Variants in ATP8B3 observed in about 807,000 individuals in gnomAD.
The protein encoded by ATP8B3 is ATPase phospholipid transporting 8B3.
A neutral mutation model predicts 140.9 loss-of-function variants in ATP8B3; 141 were observed. The ratio of observed to expected loss-of-function variants is 1.00; its 90% CI spans 0.87 to 1.15. The LOEUF is 1.15. Among genes scored for constraint, ATP8B3 ranks in the 50% most tolerant of loss-of-function variants. ATP8B3 has a pLI of 0.00. For missense variants in ATP8B3, 1,874 were observed against 1,740.6 expected, an observed-to-expected ratio of 1.08 and a Z score of -1.36; for synonymous variants, 765 against 714.6, an observed-to-expected ratio of 1.07 and a Z score of -1.13.
chr19:1,809,497 GAAAGAA>G (rs1322443454), intron 4 of ATP8B3, 140 bp downstream of exon 4: 3 of 710,276 alleles, frequency 4.2e-6, no homozygotes, highest in Non-Finnish European at 6.9e-6. Flanking sequence ...AAAAAAGAAA[GAAAGAA>G]AAAGAAAACG....
chr19:1,796,225 C>A lies in ATP8B3; in HGVS notation c.1794G>T (p.Ala598=). Residue 598 remains alanine, a synonymous_variant, in exon 17 of 29, where the codon GCG becomes GCT. Transcript: ENST00000310127. ...CGAAGTTCCGGGCTGCGGTGACCAGCGCCCCCTCGTCGGGGGAGGCCGCCT... is the reference window on the plus strand; with the variant it reads ...CGAAGTTCCGGGCTGCGGTGACCAGAGCCCCCTCGTCGGGGGAGGCCGCCT... ...LYQAASPDEG[A]LVTAARNFGY... is the part of the protein sequence containing the mutation. 1 of 1,612,516 alleles carries A rather than the reference C, an allele frequency of 6.2e-7. No homozygotes were observed. The highest frequency in any genetic ancestry group is 1.1e-5 in the South Asian group (1 of 91,056).
In ATP8B3 at chr19:1,791,871, G is replaced by T; in HGVS notation, c.2191-10C>A. On this transcript the variant is annotated splice_polypyrimidine_tract_variant and intron_variant, in intron 19 of 28. Transcript: ENST00000310127. ...CTGTGGCTCCCAGCAGCTGGTGGGGGAGGAGGGCAGGGCGGGGAAGATGCT... is the reference window on the plus strand; with the variant it reads ...CTGTGGCTCCCAGCAGCTGGTGGGGTAGGAGGGCAGGGCGGGGAAGATGCT... 1 of 1,609,828 alleles carries T rather than the reference G, an allele frequency of 6.2e-7. No individual in the cohort carries two copies. The highest frequency in any genetic ancestry group is 2.2e-5 in the East Asian group (1 of 44,866).
In ATP8B3 at chr19:1,782,983, T is replaced by C. The variant is rs1290625821; in HGVS notation, c.*45A>G. 14 of 1,563,550 alleles carry C rather than the reference T, an allele frequency of 9.0e-6. No individual in the cohort carries two copies. In the East Asian group the frequency reaches 3.3e-4, roughly 37 times the overall value. Reference sequence around the variant, plus strand: ...CTTCCTGGGAGGACACCTGCCCCTGTGGCTGGTGCTTCTTCTTCCCCAGGA... The same window carrying C: ...CTTCCTGGGAGGACACCTGCCCCTGCGGCTGGTGCTTCTTCTTCCCCAGGA... On this transcript the variant is annotated 3_prime_UTR_variant, in exon 29 of 29. Transcript: ENST00000310127.
chr19:1,797,677 T>C (rs925496265), intron 14 of ATP8B3, among the ~76,000 whole-genome samples: 1 of 151,592 alleles, frequency 6.6e-6, no homozygotes, highest in Non-Finnish European at 1.5e-5. Context: ...TTTTTGTATT[T>C]TTAGTAGAGA....
chr19:1,782,946 G>C lies in ATP8B3; in HGVS notation c.*82C>G, dbSNP rs182208781. On this transcript the variant is annotated 3_prime_UTR_variant, in exon 29 of 29. Transcript: ENST00000310127. ...ATAGAAAATGATGAGCTAGGTGTAG[G>C]GGGGAGCTGTACTTCCTGGGAGGAC... 1.0e-5 allele frequency: 15 copies of C among 1,502,406 alleles called. No individual in the cohort carries two copies. The highest frequency in any genetic ancestry group is 4.2e-5 in the African/African-American group (3 of 71,926). The allele number at this position is 1,502,406 out of a possible 1,614,324, so 93.1% of individuals were successfully genotyped here. A position where few individuals can be genotyped will look rare whatever the true frequency, so the allele number is the denominator to read the frequency against.
chr19:1,794,411 C>G lies in ATP8B3; in HGVS notation c.2055+1464G>C, dbSNP rs1007413522. ...TTCCAGTTCAGAGTGCCCCCACATC[C>G]TGGCAGAGCAGGGGACACAGGACAT... On this transcript the variant is annotated intron_variant, in intron 18 of 28. Coordinates refer to ENST00000310127, the MANE Select transcript of ATP8B3 (RefSeq NM_138813.4). This position sits in a 1 kb window ranked among gnomAD's most constrained non-coding sequence, Gnocchi z 4.8. Among the ~76,000 whole-genome samples the G allele has an allele frequency of 6.6e-6, 1 of 152,108 alleles. No individual in the cohort carries two copies. The highest frequency in any genetic ancestry group is 2.4e-5 in the African/African-American group (1 of 41,422).
rs373656416 is a variant in ATP8B3, at chr19:1,796,847, G to A, written c.1617C>T (p.Asp539=). 2.0e-5 allele frequency: 32 copies of A among 1,612,330 alleles called. No homozygotes were observed. The highest frequency in any genetic ancestry group is 6.7e-5 in the East Asian group (3 of 44,872). ...ENPYLWNKFA[D]GKLLFHNAAL... The stretch of plus-strand genomic sequence containing the variant: ...CCGCATTGTGGAAGAGCAGCTTCCC[G>A]TCGGCGAACTTGTTCCAGAGGTAGG... Residue 539 remains aspartate (D), a synonymous_variant, in exon 16 of 29, where the codon GAC becomes GAT. Transcript: ENST00000310127.
At chr19:1,809,805 G>A in intron 3 of ATP8B3, 71 bp from the exon 4 acceptor site, 1 of 1,414,084 alleles carries the variant, frequency 7.1e-7, no homozygotes, top group Non-Finnish European at 9.7e-7. Flanking sequence ...CCGCCCGGAG[G>A]AGGGCTCATG....
Position 1,789,616 on chromosome 19 carries a change from TG to T in ATP8B3, c.2589del (p.Arg864GlyfsTer51). ...CTCCGGCACAGCAGGGACAGGCGCC[TG>T]GCGTAGAGGAAATCCCTCCTGGACT... ...LGQSRRDFLY[A>X]RRLSLLCRRF... On this transcript the variant is annotated frameshift_variant, in exon 23 of 29. Transcript: ENST00000310127. LOFTEE classifies it high-confidence loss of function. 6.3e-7 allele frequency: 1 copy of T among 1,592,722 alleles called. No individual in the cohort carries two copies. The highest frequency in any genetic ancestry group is 8.5e-7 in the Non-Finnish European group (1 of 1,173,660).
chr19:1,807,350 C>A lies in ATP8B3; in HGVS notation c.517-84G>T. ...TCCACCAAGCCGACCTAGCCCCGCA[C>A]TCGACACCACGTGACACATCTGCTG... On this transcript the variant is annotated intron_variant, in intron 5 of 28. Coordinates refer to ENST00000310127, the MANE Select transcript of ATP8B3 (RefSeq NM_138813.4). The surrounding 1 kb of genome is among the most constrained non-coding windows in gnomAD (Gnocchi z 5.9). 1 of 1,099,924 alleles carries A rather than the reference C, an allele frequency of 9.1e-7. No homozygotes were observed. Among genetic ancestry groups the A allele is most frequent in the Non-Finnish European group, 1.4e-6 (1 of 735,394 alleles). 68.1% of individuals were successfully genotyped at this position (1,099,924 alleles called of 1,614,324 possible).
chr19:1,796,899 G>A lies in ATP8B3; in HGVS notation c.1585-20C>T, dbSNP rs757550670. 63 of 1,610,398 alleles carry A rather than the reference G, an allele frequency of 3.9e-5. No homozygotes were observed. The Admixed American group carries it at 4.2e-4, about 11-fold the overall frequency. On this transcript the variant is annotated intron_variant, in intron 15 of 28. Transcript: ENST00000310127. ...GTTCTCCTGGGGGTGGCGGGGGCAC[G>A]GGCCGGCTGTGGGTGGGCCGCTCCC...
intron 10 of ATP8B3, among the ~76,000 whole-genome samples, chr19:1,803,896 C>CAAAA (rs56937286): frequency 4.1e-5 from 3 of 72,394 alleles, no homozygotes; most frequent in Non-Finnish European, 5.6e-5. Context: ...GACTCTGTCT[C>CAAAA]AAAAAAAAAA....
At position 1,796,137 on chromosome 19, in the gene ATP8B3, C is replaced by T. The variant is rs2068665294; in HGVS notation, c.1882G>A (p.Val628Ile). The change falls in exon 17 of 29, where the codon GTC (valine) becomes ATC (isoleucine). Residue 628 changes from valine to isoleucine, a missense_variant. This residue lies in a region of ATP8B3 where 1,032 missense variants were observed against 963.6 expected (regional missense o/e 1.07). Transcript: ENST00000310127. ...VTIMELGEERVYQVLAIMDFN... is the reference protein window; with the variant it reads ...VTIMELGEERIYQVLAIMDFN... ...TCCATTATGGCCAGGACCTGGTAGA[C>T]CCGTTCCTCCCCCAGCTCCATGATC... 3 of 1,612,924 alleles carry T rather than the reference C, an allele frequency of 1.9e-6. No homozygotes were observed. The highest frequency in any genetic ancestry group is 4.5e-5 in the East Asian group (2 of 44,896).
At chr19:1,797,468 T>TTTTATTTATTTATTTA (rs5826746) in intron 14 of ATP8B3, among the ~76,000 whole-genome samples, 1 of 142,462 alleles carries the variant, frequency 7.0e-6, no homozygotes, top group Admixed American at 7.0e-5. Context: ...TCTTTTTTAT[T>TTTTATTTATTTATTTA]TTTATTTATT....
intron 10 of ATP8B3, among the ~76,000 whole-genome samples, chr19:1,804,844 A>T (rs991796341): frequency 2.0e-5 from 3 of 152,240 alleles, no homozygotes; most frequent in African/African-American, 7.2e-5. Context: ...CAAGCATTGG[A>T]GGTGTCAGCA....
intron 4 of ATP8B3, among the ~76,000 whole-genome samples, chr19:1,809,202 G>C (rs952334811): frequency 2.0e-5 from 3 of 149,088 alleles, no homozygotes; most frequent in Admixed American, 6.8e-5. Context: ...GAAAAAAGAG[G>C]CTGGGCGCAG....
rs753087174 is a variant in ATP8B3 at position 1,796,113 on chromosome 19, C to A, written c.1906G>T (p.Asp636Tyr). The A allele has an allele frequency of 6.8e-6, 11 of 1,612,886 alleles. No homozygotes were observed. Residue 636 changes from aspartate (D) to tyrosine (Y), a missense_variant, in exon 17 of 29, where the codon GAC becomes TAC. Around this residue, in one of 3 missense-constraint regions of ATP8B3, gnomAD observed 1,032 missense variants for 963.6 expected, o/e 1.07. Transcript: ENST00000310127. The stretch of plus-strand genomic sequence containing the variant: ...ATCCGTTTGCGCGTGCTGTTGAAGT[C>A]CATTATGGCCAGGACCTGGTAGACC... ...ERVYQVLAIMDFNSTRKRMSV... is the reference protein window; with the variant it reads ...ERVYQVLAIMYFNSTRKRMSV...
intron 25 of ATP8B3, among the ~76,000 whole-genome samples, chr19:1,786,072 C>CA (rs1365366636): frequency 6.6e-6 from 1 of 151,984 alleles, no homozygotes; most frequent in Non-Finnish European, 1.5e-5. Context: ...GTGGAGGCTG[C>CA]AGTGAGCTGT....
In ATP8B3 at chr19:1,811,619, G is replaced by T. The variant is rs765372476; in HGVS notation, c.118C>A (p.Pro40Thr). 9 of 1,611,980 alleles carry T rather than the reference G, an allele frequency of 5.6e-6. No individual in the cohort carries two copies. Among genetic ancestry groups the T allele is most frequent in the Non-Finnish European group, 7.6e-6 (9 of 1,179,800 alleles). The change falls in exon 2 of 29, where the codon CCT becomes ACT. Residue 40 changes from proline to threonine, a missense_variant. By Grantham distance (38) the Pro-to-Thr change is conservative (BLOSUM62 -1). Transcript: ENST00000310127. ...GTCTCACCTCCGCGGATGCCAGCAG[G>T]ACCTGAGCCTTCCTGAGTCACGTCT... ...DSDVTQEGSGPAGIRGGETVI... is the reference protein window; with the variant it reads ...DSDVTQEGSGTAGIRGGETVI...
Sources: gnomAD v4.1 joint callset for allele counts (sites outside exome capture counted in the v4.1 genomes callset) on GRCh38, gnomAD v4.1.1 for gene constraint, gnomAD v4.1.1 regional missense constraint, Gnocchi (gnomAD v3.1) non-coding constraint, MANE v1.5 for transcripts, NCBI Gene and HGNC (gene_info 2026-07-23, HGNC 2026-07-21) for gene names.